The following ABTB3 variants were observed in gnomAD, a reference collection of about 807,000 sequenced individuals.
ABTB3 encodes ankyrin repeat and BTB domain containing 3.
chr12:107,408,465 TG>T, the ABTB3 span, among the ~76,000 whole-genome samples: 2 of 152,182 alleles, frequency 1.3e-5, no homozygotes, highest in Non-Finnish European at 2.9e-5. Context: ...GGCTCACCTC[TG>T]GGAAGACAGT....
the ABTB3 span, among the ~76,000 whole-genome samples, chr12:107,568,146 A>G: frequency 6.6e-6 from 1 of 152,220 alleles, no homozygotes; most frequent in East Asian, 1.9e-4. Context: ...ATTCTAGCAG[A>G]CTTGAGATCA....
chr12:107,657,666 C>A, the ABTB3 span: 1 of 1,614,184 alleles, frequency 6.2e-7, no homozygotes, highest in South Asian at 1.1e-5. Flanking sequence ...AGGACGTTGG[C>A]CATCAGAATT....
At chr12:107,502,200 G>C in the ABTB3 span, among the ~76,000 whole-genome samples, 1 of 151,966 alleles carries the variant, frequency 6.6e-6, no homozygotes, top group African/African-American at 2.4e-5. Context: ...GAGCAGCTGG[G>C]ATTACAGGTG....
chr12:107,319,077 C>G, the ABTB3 span: 2 of 1,612,858 alleles, frequency 1.2e-6, no homozygotes, highest in Non-Finnish European at 8.5e-7. Flanking sequence ...CCGGCGTCCC[C>G]GTATGGCGGG....
the ABTB3 span, among the ~76,000 whole-genome samples, chr12:107,409,712 G>A: frequency 6.6e-6 from 1 of 152,136 alleles, no homozygotes; most frequent in African/African-American, 2.4e-5. Flanking sequence ...GGGGTTTGCA[G>A]GGAGTGAGAG....
At chr12:107,529,260 ATGT>A in the ABTB3 span, among the ~76,000 whole-genome samples, 18 of 145,666 alleles carry the variant, frequency 1.2e-4, no homozygotes, top group African/African-American at 4.4e-4. Context: ...GATGGTGGTC[ATGT>A]TGATGATGAT....
the ABTB3 span, among the ~76,000 whole-genome samples, chr12:107,346,170 C>T: frequency 2.0e-5 from 3 of 152,178 alleles, no homozygotes; most frequent in Admixed American, 1.3e-4. Context: ...ACAGCATGCT[C>T]CTGATTAGGG....
the ABTB3 span, among the ~76,000 whole-genome samples, chr12:107,537,717 A>G: frequency 6.6e-6 from 1 of 152,182 alleles, no homozygotes; most frequent in Non-Finnish European, 1.5e-5. Context: ...CTTTGGGGAC[A>G]GTGGAGGCCA....
chr12:107,412,618 C>T, the ABTB3 span, among the ~76,000 whole-genome samples: 404 of 152,218 alleles, frequency 2.7e-3, 2 homozygotes, highest in African/African-American at 9.1e-3. Flanking sequence ...AATGAAGACA[C>T]GCCCTTCCCT....
chr12:107,361,080 G>A, the ABTB3 span, among the ~76,000 whole-genome samples: 170 of 151,892 alleles, frequency 1.1e-3, 2 homozygotes, highest in East Asian at 0.021. Context: ...GTGAGCCACT[G>A]TACCTGGCCT....
At chr12:107,334,412 T>C in the ABTB3 span, among the ~76,000 whole-genome samples, 1 of 151,958 alleles carries the variant, frequency 6.6e-6, no homozygotes, top group Admixed American at 6.6e-5. Context: ...TGTGAGGGAA[T>C]GAGGGGGGTT....
chr12:107,493,495 C>T, the ABTB3 span, among the ~76,000 whole-genome samples: 10 of 152,174 alleles, frequency 6.6e-5, no homozygotes, highest in African/African-American at 2.4e-4. Context: ...AGGCCGGCCC[C>T]TCTTTCACGG....
the ABTB3 span, chr12:107,319,241 C>T: frequency 6.4e-7 from 1 of 1,564,538 alleles, no homozygotes; most frequent in South Asian, 1.2e-5. Flanking sequence ...CCCCTGGACT[C>T]TCCAGGAGCT....
the ABTB3 span, among the ~76,000 whole-genome samples, chr12:107,615,943 T>A: frequency 6.6e-6 from 1 of 152,304 alleles, no homozygotes; most frequent in East Asian, 1.9e-4. Flanking sequence ...GTGTGGTCCA[T>A]GCCTCTTGAT....
At chr12:107,365,761 A>C in the ABTB3 span, among the ~76,000 whole-genome samples, 1 of 152,312 alleles carries the variant, frequency 6.6e-6, no homozygotes, top group Non-Finnish European at 1.5e-5. Flanking sequence ...CCTAACAGAC[A>C]ACTGCACTGC....
the ABTB3 span, chr12:107,318,823 T>C: frequency 8.3e-7 from 1 of 1,200,252 alleles, no homozygotes; most frequent in Non-Finnish European, 1.1e-6. Context: ...CAGCGGCTAG[T>C]GGAAAAGTGA....
the ABTB3 span, chr12:107,319,762 G>A: frequency 2.0e-6 from 3 of 1,499,334 alleles, no homozygotes; most frequent in South Asian, 2.5e-5. Context: ...GCCCAGGCCC[G>A]AGCTCGGGCC....
chr12:107,393,837 G>T, the ABTB3 span, among the ~76,000 whole-genome samples: 4 of 152,186 alleles, frequency 2.6e-5, no homozygotes, highest in Non-Finnish European at 5.9e-5. Context: ...GGCTGAGGCA[G>T]GAGAATGGTG....
chr12:107,526,295 A>G, the ABTB3 span, among the ~76,000 whole-genome samples: 10 of 152,206 alleles, frequency 6.6e-5, no homozygotes, highest in African/African-American at 2.2e-4. Flanking sequence ...AACTGACACC[A>G]GCTGGCAATT....
Sources: gnomAD v4.1 joint callset for allele counts (sites outside exome capture counted in the v4.1 genomes callset) on GRCh38, gnomAD v4.1.1 for gene constraint, MANE v1.5 for transcripts, NCBI Gene and HGNC (gene_info 2026-07-23, HGNC 2026-07-21) for gene names.